The following ABI3BP variants were observed in gnomAD, a reference collection of about 807,000 sequenced individuals.
The protein encoded by ABI3BP is ABI family member 3 binding protein, also known as target of Nesh-SH3.
ABI3BP carries 216 observed loss-of-function variants against 268.6 expected under a neutral mutation model. That is an observed-to-expected ratio of 0.80 (90% CI 0.72 to 0.90). ABI3BP has a LOEUF of 0.90. Among genes scored for constraint, ABI3BP ranks in the 40% least tolerant of loss-of-function variants. The probability of loss-of-function intolerance (pLI) is 0.00; values close to 1 mark genes in which losing one functional copy is unlikely to be tolerated. For missense variants in ABI3BP, 2,090 were observed against 2,182.4 expected, an observed-to-expected ratio of 0.96 and a Z score of 0.84; for synonymous variants, 730 against 730.0, an observed-to-expected ratio of 1.00 and a Z score of 0.00.
At chr3:100,771,091 A>T in intron 61 of ABI3BP, 139 bp from the exon 62 acceptor site, 7 of 716,080 alleles carry the variant, frequency 9.8e-6, no homozygotes, top group South Asian at 7.4e-5. Context: ...GGATGGTTCA[A>T]ACTAGGAAAA....
At chr3:100,856,067 T>G (rs2098936177) in intron 14 of ABI3BP, among the ~76,000 whole-genome samples, 2 of 152,216 alleles carry the variant, frequency 1.3e-5, no homozygotes. Context: ...TCTCAAAGCA[T>G]CAACACCACA....
chr3:100,794,178 A>G (rs1247744993), intron 54 of ABI3BP, among the ~76,000 whole-genome samples: 1 of 151,982 alleles, frequency 6.6e-6, no homozygotes, highest in South Asian at 2.1e-4. Flanking sequence ...TTTGTTCAAC[A>G]TGTTGCTCTT....
At chr3:100,809,732 A>T (rs1013531190) in intron 49 of ABI3BP, among the ~76,000 whole-genome samples, 12 of 152,252 alleles carry the variant, frequency 7.9e-5, no homozygotes, top group Non-Finnish European at 1.5e-4. Context: ...GGGCTTATTT[A>T]TAACCTTCTA....
intron 1 of ABI3BP, among the ~76,000 whole-genome samples, chr3:100,946,405 G>A (rs1003463265): frequency 9.4e-5 from 14 of 149,542 alleles, no homozygotes; most frequent in African/African-American, 3.2e-4. Flanking sequence ...CACTTATTTT[G>A]TTATAATAAT....
chr3:100,940,565 C>G (rs73143061), intron 1 of ABI3BP, among the ~76,000 whole-genome samples: 17,889 of 150,766 alleles, frequency 0.12, 1,352 homozygotes, highest in Middle Eastern at 0.2. Flanking sequence ...ATAACGGTAA[C>G]CAACCTACCA....
At chr3:100,757,032 T>G (rs937936836) in intron 63 of ABI3BP, among the ~76,000 whole-genome samples, 2 of 152,026 alleles carry the variant, frequency 1.3e-5, no homozygotes, top group Non-Finnish European at 2.9e-5. Context: ...ATTTAAAGTT[T>G]CAGGAAACAG....
chr3:100,858,233 G>A (rs1437452257), intron 14 of ABI3BP, among the ~76,000 whole-genome samples: 1 of 152,184 alleles, frequency 6.6e-6, no homozygotes, highest in Non-Finnish European at 1.5e-5. Context: ...AGTTAGATTT[G>A]CCAAGGGAAT....
intron 10 of ABI3BP, among the ~76,000 whole-genome samples, chr3:100,865,678 G>A (rs1195466236): frequency 6.6e-6 from 1 of 152,154 alleles, no homozygotes. Context: ...TTTCCTAAGT[G>A]TTTCTGAAGT....
At chr3:100,843,615 G>A in intron 20 of ABI3BP, 1 of 983,708 alleles carries the variant, frequency 1.0e-6, no homozygotes, top group South Asian at 4.7e-5. Context: ...AGAGAGGAGA[G>A]TATGCATGTG....
chr3:100,851,293 T>C (rs1052170595), intron 15 of ABI3BP, among the ~76,000 whole-genome samples: 9 of 152,306 alleles, frequency 5.9e-5, no homozygotes, highest in Admixed American at 2.0e-4. Flanking sequence ...TTAGACCCAA[T>C]TGAACTGCTA....
Position 100,818,306 on chromosome 3 carries a change from C to T in ABI3BP, c.3088+219G>A, listed in dbSNP as rs9837415. On this transcript the variant is annotated intron_variant, in intron 41 of 67. Coordinates refer to ENST00000471714, the MANE Select transcript of ABI3BP (RefSeq NM_001375547.2). Reference sequence around the variant, plus strand: ...GCACATGATCGCATGACACATTGAACGGTTAAAAGCAGTTTGATGTCCTGA... The same window carrying T: ...GCACATGATCGCATGACACATTGAATGGTTAAAAGCAGTTTGATGTCCTGA... 4.7e-3 allele frequency among the ~76,000 whole-genome samples: 723 copies of T among 152,264 alleles called. 3 individuals are homozygous for T. The highest frequency in any genetic ancestry group is 0.016 in the African/African-American group (683 of 41,554).
intron 1 of ABI3BP, among the ~76,000 whole-genome samples, chr3:100,982,344 T>C (rs2089947467): frequency 6.6e-6 from 1 of 152,144 alleles, no homozygotes; most frequent in Admixed American, 6.5e-5. Context: ...TTGTTTACTT[T>C]GGTTAAGAAA....
At chr3:100,767,759 A>G (rs925093170) in intron 62 of ABI3BP, among the ~76,000 whole-genome samples, 1 of 152,154 alleles carries the variant, frequency 6.6e-6, no homozygotes, top group Non-Finnish European at 1.5e-5. Flanking sequence ...AAGTGCCTTG[A>G]TAGTATTTTT....
intron 12 of ABI3BP, chr3:100,863,758 C>T (rs58075616): frequency 0.019 from 8,588 of 451,762 alleles, 651 homozygotes; most frequent in African/African-American, 0.15. Context: ...TCAATTTGTT[C>T]AGTGACATAT....
intron 50 of ABI3BP, among the ~76,000 whole-genome samples, chr3:100,806,354 T>A (rs1404142343): frequency 1.3e-5 from 2 of 152,040 alleles, no homozygotes; most frequent in Non-Finnish European, 2.9e-5. Context: ...CCAAATGACT[T>A]TTTGAAATTT....
At chr3:100,891,700 A>G (rs2044742945) in intron 4 of ABI3BP, among the ~76,000 whole-genome samples, 1 of 152,232 alleles carries the variant, frequency 6.6e-6, no homozygotes, top group Non-Finnish European at 1.5e-5. Flanking sequence ...AGAAGCTTCA[A>G]GAGCTGAATA....
At position 100,898,823 on chromosome 3, in the gene ABI3BP, A is replaced by G; in HGVS notation, c.400T>C (p.Trp134Arg). The G allele has an allele frequency of 6.2e-7, 1 of 1,613,854 alleles. No homozygotes were observed. The highest frequency in any genetic ancestry group is 8.5e-7 in the Non-Finnish European group (1 of 1,179,792). ...TGGTGTGGGTTGATGAGGAAACCCC[A>G]GGACAGGAAGACCGAGCTCGGTGTC... The part of the protein sequence containing the change: ...TLTPSSVFLS[W>R]GFLINPHHDW... The change falls in exon 4 of 68, where the codon TGG becomes CGG. Residue 134 changes from tryptophan to arginine, a missense_variant. Coordinates refer to ENST00000471714, the MANE Select transcript of ABI3BP (RefSeq NM_001375547.2).
chr3:100,778,082 A>G (rs563300038), intron 59 of ABI3BP, among the ~76,000 whole-genome samples: 4 of 152,252 alleles, frequency 2.6e-5, no homozygotes, highest in Non-Finnish European at 4.4e-5. Context: ...GCCTAGATGC[A>G]GAGGCATGGT....
At chr3:100,905,523 G>A (rs1245601161) in intron 2 of ABI3BP, among the ~76,000 whole-genome samples, 6 of 112,088 alleles carry the variant, frequency 5.4e-5, no homozygotes, top group Admixed American at 1.1e-4. Context: ...GAAAGATAAG[G>A]GCACTCTTAG....
Sources: gnomAD v4.1 joint callset for allele counts (sites outside exome capture counted in the v4.1 genomes callset) on GRCh38, gnomAD v4.1.1 for gene constraint, MANE v1.5 for transcripts, NCBI Gene and HGNC (gene_info 2026-07-23, HGNC 2026-07-21) for gene names.